ATXN1: variants seen among roughly 807,000 people sequenced by gnomAD.
ATXN1 encodes ataxin 1, also known as ataxin-1.
Under a neutral mutation model 56.4 loss-of-function variants are expected in ATXN1, and 8 were observed. That is an observed-to-expected ratio of 0.14 (90% CI 0.08 to 0.26). The LOEUF is 0.26. Among genes scored for constraint, ATXN1 ranks in the 10% least tolerant of loss-of-function variants. The probability of loss-of-function intolerance (pLI) is 1.00; values close to 1 mark genes in which losing one functional copy is unlikely to be tolerated. For synonymous variants in ATXN1, 514 were observed against 494.6 expected, an observed-to-expected ratio of 1.04 and a Z score of -0.52; for missense variants, 987 against 1,106.5, an observed-to-expected ratio of 0.89 and a Z score of 1.53.
intron 4 of ATXN1, among the ~76,000 whole-genome samples, chr6:16,544,679 G>T (rs370709879): frequency 3.9e-4 from 60 of 152,292 alleles, no homozygotes; most frequent in East Asian, 3.7e-3. Context: ...AGTGAGCCAC[G>T]ATTTGTAACC....
intron 4 of ATXN1, among the ~76,000 whole-genome samples, chr6:16,569,629 A>T (rs530039212): frequency 6.6e-5 from 10 of 152,126 alleles, no homozygotes; most frequent in Non-Finnish European, 1.3e-4. Flanking sequence ...CTCATGGCCA[A>T]ATCTCGGGTG....
chr6:16,571,457 C>G lies in ATXN1; in HGVS notation c.-361+14323G>C, dbSNP rs1762329848. Among the ~76,000 whole-genome samples, 3 of 152,154 alleles carry G rather than the reference C, an allele frequency of 2.0e-5. No homozygotes were observed. In the South Asian group the frequency reaches 6.2e-4, roughly 31 times the overall value. ...TATTCTGCCATTTCCAATGTCCGCT[C>G]TACAAAAGATGTCATTCTTTTATAC... is the stretch of plus-strand genomic sequence containing the variant. On this transcript the variant is annotated intron_variant, in intron 4 of 7. Coordinates refer to ENST00000436367, the MANE Select transcript of ATXN1 (RefSeq NM_001128164.2).
At chr6:16,534,016 A>G (rs748977815) in intron 4 of ATXN1, among the ~76,000 whole-genome samples, 23 of 152,114 alleles carry the variant, frequency 1.5e-4, no homozygotes, top group Non-Finnish European at 3.1e-4. Context: ...TTTTTCCTAT[A>G]TTCTTGGTAA....
At chr6:16,384,376 C>T (rs886407234) in intron 6 of ATXN1, among the ~76,000 whole-genome samples, 1 of 152,230 alleles carries the variant, frequency 6.6e-6, no homozygotes, top group Non-Finnish European at 1.5e-5. Context: ...GCACAGATAG[C>T]AAGGAATGCA....
intron 2 of ATXN1, among the ~76,000 whole-genome samples, chr6:16,683,862 T>C (rs1758864346): frequency 6.6e-6 from 1 of 152,206 alleles, no homozygotes; most frequent in Admixed American, 6.5e-5. Flanking sequence ...AGATATTATC[T>C]GTGCCCAAGC....
intron 7 of ATXN1, among the ~76,000 whole-genome samples, chr6:16,313,072 T>A (rs781649313): frequency 9.9e-5 from 15 of 152,160 alleles, no homozygotes; most frequent in Middle Eastern, 3.4e-3. Flanking sequence ...AGAGATGGTG[T>A]TTGGCCATTG....
At chr6:16,405,104 A>G (rs1758659421) in intron 6 of ATXN1, among the ~76,000 whole-genome samples, 1 of 152,172 alleles carries the variant, frequency 6.6e-6, no homozygotes, top group African/African-American at 2.4e-5. Flanking sequence ...CTTTTCCTGG[A>G]GAATAGAGTT....
rs901758703 is a variant in ATXN1, at chr6:16,324,059, C to T, written c.1917+2335G>A. 3.9e-5 allele frequency among the ~76,000 whole-genome samples: 6 copies of T among 152,168 alleles called. No homozygotes were observed. In the South Asian group the frequency reaches 1.0e-3, roughly 26 times the overall value. ...GCTAAAAGCTCTCGGCAATGCAGGG[C>T]CCCGGCTTTGTGCAAGCCCCCATAT... On this transcript the variant is annotated intron_variant, in intron 7 of 7. Coordinates refer to ENST00000436367, the MANE Select transcript of ATXN1 (RefSeq NM_001128164.2).
intron 2 of ATXN1, among the ~76,000 whole-genome samples, chr6:16,669,270 T>C (rs781061507): frequency 6.6e-6 from 1 of 152,236 alleles, no homozygotes; most frequent in Non-Finnish European, 1.5e-5. Context: ...CTTTCTGCCT[T>C]GAATGGTGCA....
intron 2 of ATXN1, among the ~76,000 whole-genome samples, chr6:16,700,180 C>T (rs1474814715): frequency 6.6e-6 from 1 of 152,142 alleles, no homozygotes; most frequent in Non-Finnish European, 1.5e-5. Context: ...TGGGGTCTTC[C>T]AGGACCGGCC....
intron 6 of ATXN1, among the ~76,000 whole-genome samples, chr6:16,345,243 ATT>A (rs1561860467): frequency 6.6e-6 from 1 of 152,220 alleles, no homozygotes; most frequent in Non-Finnish European, 1.5e-5. Flanking sequence ...CTCACGTGAG[ATT>A]ATTAACTCCT....
At chr6:16,560,014 C>G (rs1173441784) in intron 4 of ATXN1, among the ~76,000 whole-genome samples, 4 of 152,140 alleles carry the variant, frequency 2.6e-5, no homozygotes, top group African/African-American at 4.8e-5. Flanking sequence ...CCTCCAAGAC[C>G]AAGTGGATAA....
intron 6 of ATXN1, among the ~76,000 whole-genome samples, chr6:16,447,329 A>G (rs1759656511): frequency 6.6e-6 from 1 of 152,134 alleles, no homozygotes; most frequent in Admixed American, 6.5e-5. Context: ...GGTTCAAACT[A>G]TTCTCCTGCC....
chr6:16,676,733 T>G (rs1031285124), intron 2 of ATXN1, among the ~76,000 whole-genome samples: 2 of 152,242 alleles, frequency 1.3e-5, no homozygotes, highest in African/African-American at 4.8e-5. Flanking sequence ...GGTTATGGAC[T>G]GCTTGTTGTG....
In ATXN1 at chr6:16,306,162, G is replaced by T; in HGVS notation, c.*167C>A. 1 of 846,964 alleles carries T rather than the reference G, an allele frequency of 1.2e-6. No individual in the cohort carries two copies. Among genetic ancestry groups the T allele is most frequent in the Non-Finnish European group, 1.8e-6 (1 of 560,278 alleles). The allele number at this position is 846,964 out of a possible 1,614,324, so 52.5% of individuals were successfully genotyped here. Reference sequence around the variant, plus strand: ...ACAGACACTCGTGGAAAAAGCATATGCACCAGTCTCCTGCGACACACCTGC... The same window carrying T: ...ACAGACACTCGTGGAAAAAGCATATTCACCAGTCTCCTGCGACACACCTGC... On this transcript the variant is annotated 3_prime_UTR_variant, in exon 8 of 8. Transcript: ENST00000436367. This position sits in a 1 kb window ranked among gnomAD's most constrained non-coding sequence, Gnocchi z 5.2.
chr6:16,310,447 T>C (rs1309842744), intron 7 of ATXN1, among the ~76,000 whole-genome samples: 1 of 152,176 alleles, frequency 6.6e-6, no homozygotes, highest in Non-Finnish European at 1.5e-5. Flanking sequence ...TGAATGAATA[T>C]TGGCTATATG....
intron 7 of ATXN1, among the ~76,000 whole-genome samples, chr6:16,323,318 A>T (rs1447828125): frequency 6.6e-6 from 1 of 152,084 alleles, no homozygotes; most frequent in East Asian, 1.9e-4. Context: ...CAGGAGTTCG[A>T]GACCAGCCTG....
intron 6 of ATXN1, among the ~76,000 whole-genome samples, chr6:16,480,582 T>C (rs1018416250): frequency 3.3e-5 from 5 of 152,106 alleles, no homozygotes; most frequent in Non-Finnish European, 7.4e-5. Context: ...GGATCCCTGA[T>C]AGACTCAAGA....
chr6:16,534,613 T>C (rs1761563717), intron 4 of ATXN1, among the ~76,000 whole-genome samples: 1 of 152,090 alleles, frequency 6.6e-6, no homozygotes, highest in Admixed American at 6.6e-5. Flanking sequence ...ATTTAACACT[T>C]GGCTCATAAA....
Sources: gnomAD v4.1 joint callset for allele counts (sites outside exome capture counted in the v4.1 genomes callset) on GRCh38, gnomAD v4.1.1 for gene constraint, Gnocchi (gnomAD v3.1) non-coding constraint, MANE v1.5 for transcripts, NCBI Gene and HGNC (gene_info 2026-07-23, HGNC 2026-07-21) for gene names.